SOX6: variants seen among roughly 807,000 people sequenced by gnomAD.
The protein encoded by SOX6 is SRY-box transcription factor 6, also known as transcription factor SOX-6.
SOX6 carries 11 observed loss-of-function variants against 97.8 expected under a neutral mutation model. The observed-to-expected ratio is 0.11, with a 90% confidence interval of 0.07 to 0.19. SOX6 has a LOEUF of 0.19. Ranked by LOEUF, SOX6 falls within the 10% of genes least tolerant of loss-of-function variation. The pLI is 1.00. For synonymous variants in SOX6, 360 were observed against 371.4 expected (o/e 0.97, Z 0.35); for missense variants, 810 against 1,039.5 (o/e 0.78, Z 3.04).
rs1328556816 is a variant in SOX6, at chr11:16,520,577, C to T, written n.610-44189G>A. Among the ~76,000 whole-genome samples the T allele has an allele frequency of 2.6e-5, 4 of 152,308 alleles. No individual in the cohort carries two copies. In the East Asian group the frequency reaches 7.7e-4, roughly 29 times the overall value. On this transcript the variant is annotated intron_variant and non_coding_transcript_variant, in intron 4 of 5. Coordinates refer to the SOX6 transcript ENST00000524520. ...TAGAAGACGGGTGATTTCTGCATTT[C>T]CATCTGAGGTACCAGGTTCATCTCA...
chr11:16,098,097 C>T (rs1323875608), intron 7 of SOX6, among the ~76,000 whole-genome samples: 1 of 151,602 alleles, frequency 6.6e-6, no homozygotes, highest in Non-Finnish European at 1.5e-5. Context: ...GTATTAGAGT[C>T]CAAAAAGGGC....
intron 1 of SOX6, among the ~76,000 whole-genome samples, chr11:16,388,699 A>G (rs1024849470): frequency 6.6e-6 from 1 of 152,124 alleles, no homozygotes; most frequent in African/African-American, 2.4e-5. Flanking sequence ...TAATACCTGT[A>G]AGATTTATAG....
intron 9 of SOX6, among the ~76,000 whole-genome samples, chr11:16,083,786 T>C (rs1041887363): frequency 1.3e-5 from 2 of 152,152 alleles, no homozygotes; most frequent in African/African-American, 4.8e-5. Context: ...TTCACAAACA[T>C]TTTCTTATGT....
chr11:16,030,447 G>A (rs968583892), intron 12 of SOX6, among the ~76,000 whole-genome samples: 4 of 152,134 alleles, frequency 2.6e-5, no homozygotes, highest in African/African-American at 9.7e-5. Context: ...TGATTTGACT[G>A]CAAACTTTAC....
chr11:16,167,068 C>G (rs1850905454), intron 6 of SOX6, among the ~76,000 whole-genome samples: 1 of 152,140 alleles, frequency 6.6e-6, no homozygotes, highest in South Asian at 2.1e-4. Context: ...TGTCCTACTG[C>G]TTACTCAATA....
At chr11:16,630,941 C>A (rs1461367602) in intron 3 of SOX6, among the ~76,000 whole-genome samples, 1 of 152,052 alleles carries the variant, frequency 6.6e-6, no homozygotes, top group Non-Finnish European at 1.5e-5. Flanking sequence ...CATGACAGAC[C>A]TTTCTCTAAC....
At chr11:16,199,107 G>A (rs1221101595) in intron 4 of SOX6, among the ~76,000 whole-genome samples, 6 of 152,064 alleles carry the variant, frequency 3.9e-5, no homozygotes, top group Non-Finnish European at 7.4e-5. Context: ...GGTGATAGAC[G>A]GCCAAAGAAA....
At chr11:16,242,424 T>G (rs1853221551) in intron 3 of SOX6, among the ~76,000 whole-genome samples, 1 of 151,938 alleles carries the variant, frequency 6.6e-6, no homozygotes, top group Non-Finnish European at 1.5e-5. Flanking sequence ...TGCCTAAGGA[T>G]GCATTTCTCT....
chr11:16,401,188 T>C (rs545777937), intron 1 of SOX6, among the ~76,000 whole-genome samples: 2 of 151,662 alleles, frequency 1.3e-5, no homozygotes, highest in Admixed American at 1.3e-4. Flanking sequence ...AGTGTTTAAA[T>C]TGTAAATTAT....
intron 6 of SOX6, among the ~76,000 whole-genome samples, chr11:16,116,508 G>A (rs535792235): frequency 6.6e-6 from 1 of 152,248 alleles, no homozygotes; most frequent in East Asian, 1.9e-4. Context: ...ATGATTATTG[G>A]TGATAATAAT....
chr11:16,528,763 T>G (rs1861201361), intron 4 of SOX6, among the ~76,000 whole-genome samples: 1 of 152,128 alleles, frequency 6.6e-6, no homozygotes, highest in African/African-American at 2.4e-5. Flanking sequence ...TTGATAGCAC[T>G]TCTCTGGGCA....
At chr11:16,283,342 A>G (rs1180168336) in intron 3 of SOX6, among the ~76,000 whole-genome samples, 1 of 151,060 alleles carries the variant, frequency 6.6e-6, no homozygotes, top group Admixed American at 6.6e-5. Context: ...ATTAAAATAG[A>G]AATATATATC....
intron 1 of SOX6, among the ~76,000 whole-genome samples, chr11:16,388,214 T>C (rs754195266): frequency 1.3e-5 from 2 of 152,196 alleles, no homozygotes; most frequent in Non-Finnish European, 2.9e-5. Context: ...ATTTACTCTG[T>C]TAATACAGTG....
intron 13 of SOX6, among the ~76,000 whole-genome samples, chr11:16,011,520 G>A (rs985223797): frequency 3.9e-5 from 6 of 152,104 alleles, no homozygotes; most frequent in African/African-American, 1.4e-4. Flanking sequence ...TTTGTCATAT[G>A]ATTTTGATGA....
At chr11:16,210,448 T>C (rs889066136) in intron 4 of SOX6, among the ~76,000 whole-genome samples, 4 of 152,046 alleles carry the variant, frequency 2.6e-5, no homozygotes, top group African/African-American at 9.7e-5. Context: ...TCTACAGAGA[T>C]AGAAAGTAGA....
chr11:16,093,455 T>C (rs950348418), intron 9 of SOX6, among the ~76,000 whole-genome samples: 1 of 152,006 alleles, frequency 6.6e-6, no homozygotes, highest in African/African-American at 2.4e-5. Context: ...TTTCTCTACT[T>C]GATAAAATTT....
rs7122687 is a variant in SOX6 at position 15,985,264 on chromosome 11, C to T, written c.2183+940G>A. Among the ~76,000 whole-genome samples the T allele has an allele frequency of 2.6e-3, 392 of 152,282 alleles. 2 individuals are homozygous for T. The highest frequency in any genetic ancestry group is 8.8e-3 in the African/African-American group (364 of 41,570). Reference sequence around the variant, plus strand: ...CTTCTCCTTTAAGGTACCTCTTTTTCTACCTTCAAGTGAAGCTCTCTTAGT... The same window carrying T: ...CTTCTCCTTTAAGGTACCTCTTTTTTTACCTTCAAGTGAAGCTCTCTTAGT... On this transcript the variant is annotated intron_variant, in intron 15 of 15. Transcript: ENST00000683767.
At chr11:16,093,409 G>T (rs1187056432) in intron 9 of SOX6, among the ~76,000 whole-genome samples, 2 of 151,628 alleles carry the variant, frequency 1.3e-5, no homozygotes, top group African/African-American at 2.4e-5. Flanking sequence ...AATGGCATAT[G>T]CTAATATAAG....
At chr11:16,697,856 A>G (rs1848065644) in intron 3 of SOX6, among the ~76,000 whole-genome samples, 1 of 152,090 alleles carries the variant, frequency 6.6e-6, no homozygotes, top group Non-Finnish European at 1.5e-5. Flanking sequence ...CTTGAAAGGA[A>G]TTTTTTTCTG....
Sources: gnomAD v4.1 joint callset for allele counts (sites outside exome capture counted in the v4.1 genomes callset) on GRCh38, gnomAD v4.1.1 for gene constraint, MANE v1.5 for transcripts, NCBI Gene and HGNC (gene_info 2026-07-23, HGNC 2026-07-21) for gene names.